EIF3E: variants seen among roughly 807,000 people sequenced by gnomAD.
EIF3E encodes eukaryotic translation initiation factor 3 subunit E, also known as eIF-3 p48.
Under a neutral mutation model 59.3 loss-of-function variants are expected in EIF3E, and 25 were observed. That is an observed-to-expected ratio of 0.42 (90% CI 0.31 to 0.59). EIF3E has a LOEUF of 0.59. Ranked by LOEUF, EIF3E falls within the 20% of genes least tolerant of loss-of-function variation. The pLI is 0.15. For missense variants in EIF3E, 317 were observed against 534.3 expected (o/e 0.59, Z 4.01); for synonymous variants, 176 against 170.2 (o/e 1.03, Z -0.26).
At chr8:108,240,146 C>T (rs1815807802) in intron 2 of EIF3E, 71 bp from the exon 3 acceptor site, 1 of 1,283,470 alleles carries the variant, frequency 7.8e-7, no homozygotes, top group South Asian at 1.2e-5. Context: ...ATGAGAATGT[C>T]TGGAAATTTT....
intron 10 of EIF3E, among the ~76,000 whole-genome samples, chr8:108,204,752 G>T (rs201036656): frequency 0.32 from 31,001 of 96,956 alleles, 4,878 homozygotes; most frequent in African/African-American, 0.39. Context: ...TATATAGAGA[G>T]AGAGAGAGAG....
intron 9 of EIF3E, 34 bp downstream of exon 9, chr8:108,216,378 T>C (rs1815306235): frequency 6.7e-7 from 1 of 1,488,382 alleles, no homozygotes; most frequent in East Asian, 2.3e-5. Context: ...AATTTAAGAA[T>C]AGTATTAGTT....
At chr8:108,240,396 C>A (rs1173181284) in intron 2 of EIF3E, among the ~76,000 whole-genome samples, 1 of 152,116 alleles carries the variant, frequency 6.6e-6, no homozygotes, top group Non-Finnish European at 1.5e-5. Context: ...ATTTAATTCT[C>A]CATTGCAGAA....
intron 10 of EIF3E, among the ~76,000 whole-genome samples, chr8:108,207,664 C>T (rs1350010793): frequency 6.6e-6 from 1 of 152,176 alleles, no homozygotes; most frequent in Non-Finnish European, 1.5e-5. Context: ...AAGGTAGATA[C>T]TTAAATATGT....
intron 5 of EIF3E, among the ~76,000 whole-genome samples, chr8:108,231,027 C>T (rs1815613230): frequency 6.6e-6 from 1 of 152,034 alleles, no homozygotes; most frequent in Admixed American, 6.6e-5. Context: ...TGGAGTATGG[C>T]CACAAAAGAA....
chr8:108,207,186 A>G (rs1270724098), intron 10 of EIF3E, among the ~76,000 whole-genome samples: 2 of 152,160 alleles, frequency 1.3e-5, no homozygotes, highest in Non-Finnish European at 2.9e-5. Flanking sequence ...TACACTCAGT[A>G]AAAGAAACCA....
chr8:108,246,299 G>T (rs1815948479), intron 1 of EIF3E, among the ~76,000 whole-genome samples: 1 of 148,652 alleles, frequency 6.7e-6, no homozygotes, highest in African/African-American at 2.5e-5. Context: ...GGGGGGGGCT[G>T]CTGTATCCTC....
At chr8:108,209,648 G>A (rs1337024288) in intron 10 of EIF3E, among the ~76,000 whole-genome samples, 1 of 152,150 alleles carries the variant, frequency 6.6e-6, no homozygotes, top group Non-Finnish European at 1.5e-5. Flanking sequence ...TCTTTGGAGA[G>A]CTGTACTACT....
chr8:108,202,511 G>A (rs747937276), intron 12 of EIF3E, among the ~76,000 whole-genome samples: 179 of 152,076 alleles, frequency 1.2e-3, no homozygotes, highest in Admixed American at 2.3e-3. Flanking sequence ...ATCAAAATGG[G>A]AGATTAATTT....
rs1815270602 is a variant in EIF3E at position 108,214,719 on chromosome 8, A to G, written c.952-3T>C. The G allele has an allele frequency of 4.4e-6, 7 of 1,599,618 alleles. No individual in the cohort carries two copies. The African/African-American group carries it at 6.8e-5, about 16-fold the overall frequency. On this transcript the variant is annotated splice_polypyrimidine_tract_variant and splice_region_variant and intron_variant, in intron 9 of 12. Coordinates refer to ENST00000220849, the MANE Select transcript of EIF3E (RefSeq NM_001568.3). ...AAGAAGAAGTCATTCACAAGCACCTATATGTACAAATACAACAAAAATTAA... is the reference window on the plus strand; with the variant it reads ...AAGAAGAAGTCATTCACAAGCACCTGTATGTACAAATACAACAAAAATTAA...
At chr8:108,218,782 C>CTTTTTTTTTT (rs35642365) in intron 7 of EIF3E, among the ~76,000 whole-genome samples, 8 of 111,156 alleles carry the variant, frequency 7.2e-5, no homozygotes, top group Non-Finnish European at 1.1e-4. Context: ...TATTTTATTT[C>CTTTTTTTTTT]TTTTTTTTTT....
At chr8:108,222,335 A>G (rs1019360382) in intron 7 of EIF3E, among the ~76,000 whole-genome samples, 11 of 152,170 alleles carry the variant, frequency 7.2e-5, no homozygotes, top group Non-Finnish European at 1.3e-4. Flanking sequence ...AGGAGCTACC[A>G]TGCCCAGCCA....
At chr8:108,217,611 T>G (rs1586196755) in intron 7 of EIF3E, 151 bp from the exon 8 acceptor site, 1 of 598,804 alleles carries the variant, frequency 1.7e-6, no homozygotes, top group Non-Finnish European at 2.6e-6. Flanking sequence ...CAAGGAAATT[T>G]AAAAACAGAA....
intron 1 of EIF3E, chr8:108,242,204 C>G: frequency 7.6e-7 from 1 of 1,316,676 alleles, no homozygotes; most frequent in Non-Finnish European, 9.9e-7. Context: ...TACAAACCAT[C>G]TCTTACCCTT....
intron 10 of EIF3E, among the ~76,000 whole-genome samples, chr8:108,205,838 T>C (rs1054706799): frequency 6.6e-6 from 1 of 152,234 alleles, no homozygotes; most frequent in African/African-American, 2.4e-5. Context: ...CATATTGTTA[T>C]AATTGTTCTA....
intron 9 of EIF3E, 71 bp downstream of exon 9, chr8:108,216,341 T>G: frequency 1.7e-6 from 2 of 1,145,632 alleles, no homozygotes; most frequent in Admixed American, 2.3e-5. Context: ...AGGAAGACAC[T>G]GCAAGATTAA....
At chr8:108,230,716 A>T (rs955226854) in intron 5 of EIF3E, among the ~76,000 whole-genome samples, 3 of 152,198 alleles carry the variant, frequency 2.0e-5, no homozygotes, top group Non-Finnish European at 4.4e-5. Context: ...TTGTACATGC[A>T]TATTCATACT....
intron 7 of EIF3E, among the ~76,000 whole-genome samples, chr8:108,217,931 T>C (rs1815334259): frequency 6.6e-6 from 1 of 152,132 alleles, no homozygotes; most frequent in Non-Finnish European, 1.5e-5. Flanking sequence ...TATTACAATA[T>C]TACAAGACAT....
At chr8:108,236,641 G>A (rs73306567) in intron 3 of EIF3E, among the ~76,000 whole-genome samples, 3,582 of 152,240 alleles carry the variant, frequency 0.024, 130 homozygotes, top group African/African-American at 0.074. Flanking sequence ...GTACAAACTA[G>A]AAGAAACTAA....
Sources: allele counts gnomAD v4.1 joint callset (sites outside exome capture counted in the v4.1 genomes callset), GRCh38; gene constraint gnomAD v4.1.1; transcripts MANE v1.5; gene names NCBI Gene and HGNC (gene_info 2026-07-23, HGNC 2026-07-21).